CFAP74: variants seen among roughly 807,000 people sequenced by gnomAD.
CFAP74 encodes the protein cilia and flagella associated protein 74.
CFAP74 carries 124 observed loss-of-function variants against 188.9 expected under a neutral mutation model. The observed-to-expected ratio is 0.66, with a 90% confidence interval of 0.57 to 0.76. The LOEUF (loss-of-function observed/expected upper bound fraction) is 0.76, where lower values mean the gene tolerates loss of function less well. Among genes scored for constraint, CFAP74 ranks in the 30% least tolerant of loss-of-function variants. The pLI is 0.00. For missense variants in CFAP74, 2,198 were observed against 2,165.2 expected (o/e 1.02, Z -0.30); for synonymous variants, 956 against 916.7 (o/e 1.04, Z -0.77).
chr1:1,966,623 G>T, intron 11 of CFAP74, 97 bp from the exon 12 acceptor site: 1 of 1,188,048 alleles, frequency 8.4e-7, no homozygotes, highest in Non-Finnish European at 1.1e-6. Flanking sequence ...CCCGCTGCCT[G>T]CCCCCGTTCT....
intron 1 of CFAP74, among the ~76,000 whole-genome samples, chr1:1,999,255 C>G (rs1254116935): frequency 6.6e-6 from 1 of 152,142 alleles, no homozygotes; most frequent in African/African-American, 2.4e-5. Context: ...AAACAGGCCC[C>G]CACGTACTAG....
intron 25 of CFAP74, among the ~76,000 whole-genome samples, chr1:1,931,668 C>T (rs1212406617): frequency 7.2e-6 from 1 of 139,264 alleles, no homozygotes; most frequent in Non-Finnish European, 1.5e-5. Context: ...ACCCAGGAGG[C>T]GGAGCTTGCA....
intron 6 of CFAP74, among the ~76,000 whole-genome samples, chr1:1,977,585 C>T (rs1373567730): frequency 1.3e-5 from 2 of 152,196 alleles, no homozygotes; most frequent in African/African-American, 4.8e-5. Context: ...ATCTACACAG[C>T]AGGACGTGGG....
chr1:1,999,616 A>G (rs1658095999), intron 1 of CFAP74, among the ~76,000 whole-genome samples: 1 of 151,998 alleles, frequency 6.6e-6, no homozygotes, highest in Admixed American at 6.6e-5. Flanking sequence ...CAGGAGTTCG[A>G]GACCAGCCTG....
At chr1:1,935,858 T>G (rs1358572741) in intron 25 of CFAP74, among the ~76,000 whole-genome samples, 1 of 146,474 alleles carries the variant, frequency 6.8e-6, no homozygotes, top group East Asian at 1.9e-4. Flanking sequence ...ACCTTTTTTT[T>G]TTCAGCACTA....
At chr1:1,987,283 G>A (rs1462283272) in intron 4 of CFAP74, among the ~76,000 whole-genome samples, 5 of 152,332 alleles carry the variant, frequency 3.3e-5, no homozygotes, top group South Asian at 4.1e-4. Context: ...GGCCGAGGAC[G>A]GTGCAGGAGC....
rs551188593 is a variant in CFAP74, at chr1:1,975,726, T to C, written c.501-1528A>G. Among the ~76,000 whole-genome samples, 1 of 152,272 alleles carries C rather than the reference T, an allele frequency of 6.6e-6. No homozygotes were observed. Among genetic ancestry groups the C allele is most frequent in the South Asian group, 2.1e-4 (1 of 4,818 alleles). On this transcript the variant is annotated intron_variant, in intron 6 of 38. Coordinates refer to ENST00000682832, the MANE Select transcript of CFAP74 (RefSeq NM_001304360.2). The surrounding 1 kb of genome is among the most constrained non-coding windows in gnomAD (Gnocchi z 4.5). ...CGGGCGGGTTATTTCTATTCCTCCC[T>C]CGCGTGACTCATGAAATTCTTTAAT...
intron 18 of CFAP74, 29 bp from the exon 19 acceptor site, chr1:1,947,083 G>A (rs1211695755): frequency 6.6e-7 from 1 of 1,505,130 alleles, no homozygotes. Flanking sequence ...CCAGAGGTGA[G>A]GGTTGGCAGG....
At chr1:1,965,423 G>C (rs1168985236) in intron 12 of CFAP74, among the ~76,000 whole-genome samples, 1 of 152,228 alleles carries the variant, frequency 6.6e-6, no homozygotes, top group African/African-American at 2.4e-5. Context: ...GTTTTGAAAG[G>C]TTCTGCAGGA....
intron 28 of CFAP74, chr1:1,927,323 T>G (rs1651987206): frequency 1.8e-6 from 1 of 566,284 alleles, no homozygotes; most frequent in Admixed American, 3.2e-5. Context: ...CCATTAGAGC[T>G]TTCCCAGGGC....
At chr1:1,971,838 G>A (rs1333580405) in intron 9 of CFAP74, 142 bp downstream of exon 9, 35 of 643,234 alleles carry the variant, frequency 5.4e-5, no homozygotes, top group South Asian at 4.8e-4. Context: ...GCACAGGCTC[G>A]GGAAGCCTCC....
chr1:1,972,840 TTAAA>T (rs1190543222), intron 8 of CFAP74, 93 bp downstream of exon 8: 6 of 877,722 alleles, frequency 6.8e-6, no homozygotes, highest in East Asian at 2.6e-5. Flanking sequence ...AGGCTCCATC[TTAAA>T]TAAATAAATA....
chr1:1,986,955 T>A lies in CFAP74; in HGVS notation c.377A>T (p.Glu126Val). ...CACCTACATGTTGCCCGCCTCTTCC[T>A]CTGTGGCGATCTCGGCTGCCACAGC... ...QEAVAAEIAT[E>V]EEAGNMAAVG... The change falls in exon 5 of 39, where the codon GAG becomes GTG. Residue 126 changes from glutamate (E) to valine (V), a missense_variant. Coordinates refer to ENST00000682832, the MANE Select transcript of CFAP74 (RefSeq NM_001304360.2). 1 of 1,601,776 alleles carries A rather than the reference T, an allele frequency of 6.2e-7. No individual in the cohort carries two copies. Among genetic ancestry groups the A allele is most frequent in the South Asian group, 1.1e-5 (1 of 91,022 alleles).
At chr1:2,001,354 G>T (rs1240696439) in intron 1 of CFAP74, among the ~76,000 whole-genome samples, 5 of 151,460 alleles carry the variant, frequency 3.3e-5, no homozygotes, top group Non-Finnish European at 7.4e-5. Flanking sequence ...TTTTGAGACG[G>T]AGTCTCGCTC....
At chr1:1,997,233 A>T (rs1226695669) in intron 1 of CFAP74, among the ~76,000 whole-genome samples, 1 of 151,760 alleles carries the variant, frequency 6.6e-6, no homozygotes, top group Admixed American at 6.6e-5. Context: ...GACCAGCCTG[A>T]CCAATGTGGG....
chr1:1,924,357 GCAGCTCACCACCCACC>G lies in CFAP74; in HGVS notation c.4234+18_4234+33del. ...CTCCCCCAGCTCACCGCCCACCCCC[GCAGCTCACCACCCACC>G]CCCCACCCCCCGCTCACCGACCACC... is the stretch of plus-strand genomic sequence containing the variant. On this transcript the variant is annotated intron_variant, in intron 34 of 38. Transcript: ENST00000682832. 3.0e-5 allele frequency: 1 copy of G among 33,350 alleles called. No individual in the cohort carries two copies. The highest frequency in any genetic ancestry group is 5.8e-5 in the Non-Finnish European group (1 of 17,156). The allele number at this position is 33,350 out of a possible 1,614,324, so 2.1% of individuals were successfully genotyped here. A position where few individuals can be genotyped will look rare whatever the true frequency, so the allele number is the denominator to read the frequency against.
At chr1:1,927,243 G>A in intron 28 of CFAP74, 1 of 622,520 alleles carries the variant, frequency 1.6e-6, no homozygotes, top group Non-Finnish European at 2.8e-6. Flanking sequence ...GTGGCTGGAG[G>A]CTAGGGGTTG....
intron 10 of CFAP74, 46 bp downstream of exon 10, chr1:1,970,609 CCACT>C (rs1318911854): frequency 1.9e-5 from 29 of 1,558,650 alleles, no homozygotes; most frequent in Non-Finnish European, 2.2e-5. Flanking sequence ...CTCCCTGCAC[CCACT>C]GACTGGGCGG....
At chr1:1,948,551 T>C (rs941085650) in intron 18 of CFAP74, among the ~76,000 whole-genome samples, 1 of 150,508 alleles carries the variant, frequency 6.6e-6, no homozygotes, top group African/African-American at 2.5e-5. Flanking sequence ...TGAGCTACCA[T>C]GGCCTGGCCT....
Sources: gnomAD v4.1 joint callset for allele counts (sites outside exome capture counted in the v4.1 genomes callset) on GRCh38, gnomAD v4.1.1 for gene constraint, Gnocchi (gnomAD v3.1) non-coding constraint, MANE v1.5 for transcripts, NCBI Gene and HGNC (gene_info 2026-07-23, HGNC 2026-07-21) for gene names.